The following FBXO17 variants were observed in gnomAD, a reference collection of about 807,000 sequenced individuals.
FBXO17 encodes the protein F-box only protein 17.
Under a neutral mutation model 34.1 loss-of-function variants are expected in FBXO17, and 43 were observed. That is an observed-to-expected ratio of 1.26 (90% CI 0.99 to 1.62). The LOEUF is 1.62. FBXO17 is among the 40% of genes most tolerant of loss of function. The pLI is 0.00. For synonymous variants in FBXO17, 169 were observed against 166.0 expected (o/e 1.02, Z -0.14); for missense variants, 424 against 386.7 (o/e 1.10, Z -0.81).
chr19:38,953,067 C>T (rs557464976), intron 1 of FBXO17, among the ~76,000 whole-genome samples: 6 of 152,040 alleles, frequency 3.9e-5, no homozygotes, highest in African/African-American at 1.4e-4. Flanking sequence ...TTTGGGAGGG[C>T]AAGGTGGGAG....
chr19:38,950,225 T>C lies in FBXO17; in HGVS notation c.95A>G (p.His32Arg), dbSNP rs1258232726. The C allele has an allele frequency of 1.3e-5, 20 of 1,543,178 alleles. No individual in the cohort carries two copies. The highest frequency in any genetic ancestry group is 1.7e-5 in the Non-Finnish European group (20 of 1,152,256). ...PPELLVQVLS[H>R]VPPRSLVTRC... ...CGTGACCAAGGAGCGTGGCGGCACG[T>C]GGCTCAGCACCTGCACCAGCAGCTC... Residue 32 changes from histidine (H) to arginine (R), a missense_variant, in exon 2 of 6, where the codon CAC becomes CGC. By Grantham distance (29) the His-to-Arg change is conservative. Coordinates refer to ENST00000292852, the MANE Select transcript of FBXO17 (RefSeq NM_024907.7).
chr19:38,946,787 T>A, intron 3 of FBXO17: 1 of 605,426 alleles, frequency 1.7e-6, no homozygotes, highest in Non-Finnish European at 2.9e-6. Context: ...TCCAGGCAGC[T>A]GACCTCTATG....
At chr19:38,965,704 G>T (rs1273562229) in intron 1 of FBXO17, among the ~76,000 whole-genome samples, 1 of 151,692 alleles carries the variant, frequency 6.6e-6, no homozygotes. Context: ...ACGAGGTTTC[G>T]CCATGTTGGC....
Position 38,950,204 on chromosome 19 carries a change from ACCAAGGAGCGTGG to A in FBXO17, c.103_115del (p.Pro35SerfsTer14). The A allele has an allele frequency of 6.4e-7, 1 of 1,551,566 alleles. No individual in the cohort carries two copies. The highest frequency in any genetic ancestry group is 8.7e-7 in the Non-Finnish European group (1 of 1,156,030). On this transcript the variant is annotated frameshift_variant, in exon 2 of 6. Coordinates refer to ENST00000292852, the MANE Select transcript of FBXO17 (RefSeq NM_024907.7). LOFTEE classifies it high-confidence loss of function. ...GCGGCACACTGGGCGGCATCGCGTG[ACCAAGGAGCGTGG>A]CGGCACGTGGCTCAGCACCTGCACC...
At chr19:38,970,617 T>G (rs903371554) in intron 1 of FBXO17, among the ~76,000 whole-genome samples, 4 of 152,192 alleles carry the variant, frequency 2.6e-5, no homozygotes, top group Non-Finnish European at 5.9e-5. Context: ...CCAACAGTTT[T>G]TCCCAGACCC....
At position 38,943,725 on chromosome 19, in the gene FBXO17, G is replaced by A. The variant is rs1267435564; in HGVS notation, c.694-974C>T. 2.6e-5 allele frequency among the ~76,000 whole-genome samples: 4 copies of A among 152,044 alleles called. 1 individual carries two copies. The highest frequency in any genetic ancestry group is 5.9e-5 in the Non-Finnish European group (4 of 68,020). On this transcript the variant is annotated intron_variant, in intron 5 of 5. Coordinates refer to ENST00000292852, the MANE Select transcript of FBXO17 (RefSeq NM_024907.7). Reference sequence around the variant, plus strand: ...CCCGCCTCAGTCTCCCCAGAAGCTGGGATTACAGACGCCCATCACCGTGCC... The same window carrying A: ...CCCGCCTCAGTCTCCCCAGAAGCTGAGATTACAGACGCCCATCACCGTGCC...
rs377727464 is a variant in FBXO17 at position 38,952,543 on chromosome 19, A to C, written c.-17-2207T>G. 161 of 534,376 alleles carry C rather than the reference A, an allele frequency of 3.0e-4. 2 individuals are homozygous for C. Among genetic ancestry groups the C allele is most frequent in the Non-Finnish European group, 1.3e-4 (35 of 259,894 alleles). The allele number at this position is 534,376 out of a possible 1,614,324, so 33.1% of individuals were successfully genotyped here. A position where few individuals can be genotyped will look rare whatever the true frequency, so the allele number is the denominator to read the frequency against. On this transcript the variant is annotated intron_variant, in intron 1 of 5. Coordinates refer to ENST00000292852, the MANE Select transcript of FBXO17 (RefSeq NM_024907.7). ...TGACCATTCTCCCTCCACCCTCCCC[A>C]AAACCCCCAGCGATGAATCTCATCA...
In FBXO17 at chr19:38,948,567, T is replaced by C; in HGVS notation, c.461A>G (p.Glu154Gly). The change falls in exon 3 of 6, where the codon GAA (glutamate) becomes GGA (glycine). Residue 154 changes from glutamate (E) to glycine (G), a missense_variant and splice_region_variant. Transcript: ENST00000292852. ...PSQTCFVTSF[E>G]WCSKRQLVDL... ...GGGGCCTCTCACTTGGGCCACTCAC[T>C]CGAAAGAGGTCACGAAGCAGGTCTG... The C allele has an allele frequency of 1.2e-6, 2 of 1,613,384 alleles. No individual in the cohort carries two copies. Among genetic ancestry groups the C allele is most frequent in the Non-Finnish European group, 1.7e-6 (2 of 1,179,508 alleles).
intron 3 of FBXO17, chr19:38,946,838 A>C: frequency 2.1e-6 from 1 of 475,140 alleles, no homozygotes. Context: ...ACATGACTAC[A>C]AATGAAGGCC....
intron 1 of FBXO17, among the ~76,000 whole-genome samples, chr19:38,952,100 G>A (rs1238544678): frequency 6.6e-6 from 1 of 152,062 alleles, no homozygotes; most frequent in Non-Finnish European, 1.5e-5. Flanking sequence ...ACAGATGTGT[G>A]CCACCACACC....
chr19:38,950,165 A>G lies in FBXO17; in HGVS notation c.155T>C (p.Ile52Thr), dbSNP rs746630397. Reference sequence around the variant, plus strand: ...CAGCCACACAGTGGGCCCGTCCACTATGTCGCGCCAGGCGCGGCACACTGG... The same window carrying G: ...CAGCCACACAGTGGGCCCGTCCACTGTGTCGCGCCAGGCGCGGCACACTGG... The part of the protein sequence containing the change: ...CRPVCRAWRD[I>T]VDGPTVWLLQ... Residue 52 changes from isoleucine (I) to threonine (T), a missense_variant, in exon 2 of 6, where the codon ATA (isoleucine) becomes ACA (threonine). Ile to Thr is a moderately conservative substitution (Grantham distance 89, BLOSUM62 -1). Transcript: ENST00000292852. 13 of 1,560,768 alleles carry G rather than the reference A, an allele frequency of 8.3e-6. No homozygotes were observed. Among genetic ancestry groups the G allele is most frequent in the South Asian group, 1.2e-5 (1 of 85,600 alleles).
At chr19:38,949,068 C>A (rs545705607) in intron 2 of FBXO17, among the ~76,000 whole-genome samples, 76 of 151,732 alleles carry the variant, frequency 5.0e-4, no homozygotes, top group African/African-American at 1.7e-3. Context: ...TAGCTAGGAC[C>A]ACAGGTGCAT....
At chr19:38,948,884 G>A (rs1975028613) in intron 2 of FBXO17, among the ~76,000 whole-genome samples, 1 of 152,138 alleles carries the variant, frequency 6.6e-6, no homozygotes, top group South Asian at 2.1e-4. Context: ...CATCCACTCA[G>A]CTTCTCTTCA....
chr19:38,944,442 C>T (rs1369369327), intron 5 of FBXO17, among the ~76,000 whole-genome samples: 1 of 151,962 alleles, frequency 6.6e-6, no homozygotes, highest in African/African-American at 2.4e-5. Context: ...GGAGGTCTCG[C>T]TATATTGCCC....
intron 1 of FBXO17, among the ~76,000 whole-genome samples, chr19:38,960,344 A>C (rs1395453901): frequency 6.6e-6 from 1 of 150,620 alleles, no homozygotes; most frequent in Non-Finnish European, 1.5e-5. Context: ...GTCCTCACTT[A>C]GGGAACTTGT....
At chr19:38,955,835 C>A (rs1975159631) in intron 1 of FBXO17, among the ~76,000 whole-genome samples, 1 of 151,994 alleles carries the variant, frequency 6.6e-6, no homozygotes, top group South Asian at 2.1e-4. Flanking sequence ...GTCACTTAAT[C>A]TCTTTATACC....
chr19:38,970,893 G>A (rs1975382321), intron 1 of FBXO17, among the ~76,000 whole-genome samples: 1 of 152,032 alleles, frequency 6.6e-6, no homozygotes, highest in African/African-American at 2.4e-5. Flanking sequence ...TTGAGGTCAG[G>A]AGTTCGAGAC....
At chr19:38,974,185 G>A (rs183198148) in intron 1 of FBXO17, among the ~76,000 whole-genome samples, 26 of 150,956 alleles carry the variant, frequency 1.7e-4, no homozygotes, top group Admixed American at 1.6e-3. Flanking sequence ...GGGTTCAAGC[G>A]ATTCTCCTTC....
At chr19:38,960,655 C>T (rs10415953) in intron 1 of FBXO17, among the ~76,000 whole-genome samples, 24,762 of 151,230 alleles carry the variant, frequency 0.16, 2,572 homozygotes, top group African/African-American at 0.29. Context: ...ATTACAGGTG[C>T]GTGCCACCCA....
Sources: gnomAD v4.1 joint callset for allele counts (sites outside exome capture counted in the v4.1 genomes callset) on GRCh38, gnomAD v4.1.1 for gene constraint, MANE v1.5 for transcripts, NCBI Gene and HGNC (gene_info 2026-07-23, HGNC 2026-07-21) for gene names.